SGPP2: variants seen among roughly 807,000 people sequenced by gnomAD.
SGPP2 encodes the protein sphingosine 1-phosphate phosphohydrolase 2.
Under a neutral mutation model 33.9 loss-of-function variants are expected in SGPP2, and 30 were observed. That is an observed-to-expected ratio of 0.89 (90% confidence interval 0.66 to 1.20). SGPP2 has a LOEUF of 1.20. SGPP2 is among the 50% of genes most tolerant of loss of function. The probability of loss-of-function intolerance (pLI) is 0.00; values close to 1 mark genes in which losing one functional copy is unlikely to be tolerated. For missense variants in SGPP2, 458 were observed against 532.1 expected (o/e 0.86, Z 1.37); for synonymous variants, 233 against 225.0 (o/e 1.04, Z -0.32).
At chr2:222,526,545 G>T (rs373949803) in intron 4 of SGPP2, among the ~76,000 whole-genome samples, 86 of 152,338 alleles carry the variant, frequency 5.6e-4, no homozygotes, top group African/African-American at 1.9e-3. Context: ...AATATGGAAT[G>T]AAGAACTCTT....
rs1689552403 is a variant in SGPP2 at position 222,562,049 on chromosome 2, C to A, written c.*3151C>A. Among the ~76,000 whole-genome samples, 1 of 152,126 alleles carries A rather than the reference C, an allele frequency of 6.6e-6. No individual in the cohort carries two copies. Among genetic ancestry groups the A allele is most frequent in the South Asian group, 2.1e-4 (1 of 4,820 alleles). Reference sequence around the variant, plus strand: ...TTTGGCTTCAGTCTAGGTCCACCATCCCTCTCGATCTGGCATCTTGGAGAT... The same window carrying A: ...TTTGGCTTCAGTCTAGGTCCACCATACCTCTCGATCTGGCATCTTGGAGAT... On this transcript the variant is annotated 3_prime_UTR_variant, in exon 5 of 5. Transcript: ENST00000321276.
intron 1 of SGPP2, among the ~76,000 whole-genome samples, chr2:222,447,653 A>G (rs1697417796): frequency 6.6e-6 from 1 of 152,206 alleles, no homozygotes; most frequent in African/African-American, 2.4e-5. Flanking sequence ...CCCTATGAGA[A>G]GTGAGAAGAA....
Position 222,477,371 on chromosome 2 carries a change from A to G in SGPP2, c.378+2645A>G, listed in dbSNP as rs1559155260. ...GGTGTGTATATATGTGTATGTGTGT[A>G]TATAGGTGTGTATATATGTGTATAG... On this transcript the variant is annotated intron_variant, in intron 2 of 4. Coordinates refer to ENST00000321276, the MANE Select transcript of SGPP2 (RefSeq NM_152386.4). The surrounding 1 kb of genome is among the most constrained non-coding windows in gnomAD (Gnocchi z 6.0). 2.7e-5 allele frequency among the ~76,000 whole-genome samples: 4 copies of G among 147,986 alleles called. No homozygotes were observed. Among genetic ancestry groups the G allele is most frequent in the Admixed American group, 2.0e-4 (3 of 15,058 alleles).
chr2:222,467,950 GAAAAAAAAAAAAAAAA>G lies in SGPP2; in HGVS notation c.220-6595_220-6580del, dbSNP rs61253653. Among the ~76,000 whole-genome samples, 152 of 24,866 alleles carry G rather than the reference GAAAAAAAAAAAAAAAA, an allele frequency of 6.1e-3. 1 individual carries two copies. In the Admixed American group the frequency reaches 0.073, roughly 12 times the overall value. The allele number at this position is 24,866 out of a possible 152,430, so 16.3% of individuals were successfully genotyped here. ...AAATGTATATTTAAAGCTCTAATCTGAAAAAAAAAAAAAAAAAAAAAAAAAAAAAAAAAAAAAACAG... is the reference window on the plus strand; with the variant it reads ...AAATGTATATTTAAAGCTCTAATCTGAAAAAAAAAAAAAAAAAAAAAACAG... On this transcript the variant is annotated intron_variant, in intron 1 of 4. Transcript: ENST00000321276.
chr2:222,443,335 CA>C (rs1697354029), intron 1 of SGPP2, among the ~76,000 whole-genome samples: 1 of 152,056 alleles, frequency 6.6e-6, no homozygotes. Flanking sequence ...AGGTAGTGAC[CA>C]TAGTACCTGA....
upstream of SGPP2, chr2:222,424,499 C>G: frequency 1.2e-6 from 1 of 823,854 alleles, no homozygotes; most frequent in African/African-American, 1.8e-5. Context: ...GCCCGGCCTC[C>G]GCCCGGAGTG....
chr2:222,447,084 T>A (rs1444989952), intron 1 of SGPP2, among the ~76,000 whole-genome samples: 1 of 152,246 alleles, frequency 6.6e-6, no homozygotes, highest in Non-Finnish European at 1.5e-5. Context: ...TCTTTCTTTA[T>A]GCTCCTCCAT....
intron 2 of SGPP2, among the ~76,000 whole-genome samples, chr2:222,513,206 T>A (rs889358028): frequency 1.8e-4 from 27 of 152,242 alleles, no homozygotes; most frequent in African/African-American, 6.3e-4. Context: ...TTGTTTTAAG[T>A]TGGAATTCCC....
intron 3 of SGPP2, among the ~76,000 whole-genome samples, chr2:222,522,802 A>C (rs62186149): frequency 0.34 from 51,566 of 151,944 alleles, 9,118 homozygotes; most frequent in Middle Eastern, 0.49. Context: ...TCTCATCTTC[A>C]CAAGTAGCTG....
In SGPP2 at chr2:222,558,641, C is replaced by T. The variant is rs199579221; in HGVS notation, c.943C>T (p.Pro315Ser). The T allele has an allele frequency of 8.1e-6, 13 of 1,614,194 alleles. No individual in the cohort carries two copies. The highest frequency in any genetic ancestry group is 1.1e-5 in the South Asian group (1 of 91,078). Reference sequence around the variant, plus strand: ...TCTCCCTGTTATTCAGAACATCCCACCACTCACCACCTACATGTTAGTTTT... The same window carrying T: ...TCTCCCTGTTATTCAGAACATCCCATCACTCACCACCTACATGTTAGTTTT... ...ESLPVIQNIPPLTTYMLVLGL... is the reference protein window; with the variant it reads ...ESLPVIQNIPSLTTYMLVLGL... Residue 315 changes from proline to serine, a missense_variant, in exon 5 of 5, where the codon CCA (proline) becomes TCA (serine). Pro to Ser is a moderately conservative substitution (Grantham distance 74, BLOSUM62 -1). Coordinates refer to ENST00000321276, the MANE Select transcript of SGPP2 (RefSeq NM_152386.4).
chr2:222,479,399 C>CTTTTTTTTT lies in SGPP2; in HGVS notation c.378+4686_378+4694dup, dbSNP rs568165167. 4.4e-5 allele frequency among the ~76,000 whole-genome samples: 5 copies of CTTTTTTTTT among 114,884 alleles called. 1 individual carries two copies. Among genetic ancestry groups the CTTTTTTTTT allele is most frequent in the African/African-American group, 1.4e-4 (4 of 27,878 alleles). 75.4% of individuals were successfully genotyped at this position (114,884 alleles called of 152,430 possible). A position where few individuals can be genotyped will look rare whatever the true frequency, so the allele number is the denominator to read the frequency against. ...GCTTGACTGTTTCTTATCTACCCTT[C>CTTTTTTTTT]TTTTTTTTTTTTTTTTTTTTTGAGA... On this transcript the variant is annotated intron_variant, in intron 2 of 4. Transcript: ENST00000321276.
At chr2:222,481,897 A>G (rs1698035909) in intron 2 of SGPP2, among the ~76,000 whole-genome samples, 1 of 152,190 alleles carries the variant, frequency 6.6e-6, no homozygotes, top group Non-Finnish European at 1.5e-5. Context: ...CCATTCTAAC[A>G]TAGCATGGTT....
chr2:222,523,991 A>G (rs577903594), intron 3 of SGPP2, among the ~76,000 whole-genome samples: 1 of 152,346 alleles, frequency 6.6e-6, no homozygotes, highest in African/African-American at 2.4e-5. Context: ...CATGGCCTTC[A>G]GTTCTGACTC....
intron 2 of SGPP2, among the ~76,000 whole-genome samples, chr2:222,496,682 C>T (rs373547993): frequency 4.6e-5 from 7 of 152,178 alleles, no homozygotes; most frequent in East Asian, 1.9e-4. Context: ...GAGACCCCCC[C>T]GCCATGCCCT....
chr2:222,521,833 G>T lies in SGPP2; in HGVS notation c.445G>T (p.Val149Phe), dbSNP rs778341745. 10 of 1,610,902 alleles carry T rather than the reference G, an allele frequency of 6.2e-6. No homozygotes were observed. Among genetic ancestry groups the T allele is most frequent in the Non-Finnish European group, 8.5e-6 (10 of 1,178,966 alleles). Residue 149 changes from valine to phenylalanine, a missense_variant, in exon 3 of 5, where the codon GTT (valine) becomes TTT (phenylalanine). Val to Phe is a conservative substitution (Grantham distance 50). Transcript: ENST00000321276. The part of the protein sequence containing the change: ...LKWPRPSSPP[V>F]VKLEKRLIAE... The stretch of plus-strand genomic sequence containing the variant: ...GTGGCCCCGTCCCTCCTCCCCTCCA[G>T]TTGTAAAACTGGAAAAGAGACTGAT...
At position 222,424,748 on chromosome 2, in the gene SGPP2, A is replaced by G; in HGVS notation, c.146A>G (p.Glu49Gly). ...CGCGCGGCGCGGGTCCCCGGGGTCG[A>G]GCATCTCCCCGCAGCCAACGGCAAG... is the stretch of plus-strand genomic sequence containing the variant. Reference protein sequence around the residue: ...TERAARVPGVEHLPAANGKGG... With the variant: ...TERAARVPGVGHLPAANGKGG... Residue 49 changes from glutamate to glycine, a missense_variant, in exon 1 of 5, where the codon GAG becomes GGG. Transcript: ENST00000321276. 3.5e-6 allele frequency: 5 copies of G among 1,419,996 alleles called. No homozygotes were observed. Among genetic ancestry groups the G allele is most frequent in the Non-Finnish European group, 4.6e-6 (5 of 1,088,598 alleles). 88.0% of individuals were successfully genotyped at this position (1,419,996 alleles called of 1,614,324 possible). A position where few individuals can be genotyped will look rare whatever the true frequency, so the allele number is the denominator to read the frequency against.
chr2:222,481,099 G>A (rs1475473868), intron 2 of SGPP2, among the ~76,000 whole-genome samples: 1 of 152,172 alleles, frequency 6.6e-6, no homozygotes, highest in African/African-American at 2.4e-5. Flanking sequence ...GTTGGGGGTT[G>A]GCAGGAGGGA....
chr2:222,556,462 T>G (rs1407814368), intron 4 of SGPP2, among the ~76,000 whole-genome samples: 2 of 72,542 alleles, frequency 2.8e-5, no homozygotes, highest in African/African-American at 4.8e-5. Flanking sequence ...CCACTCTCAC[T>G]CCCCCGCATC....
intron 1 of SGPP2, among the ~76,000 whole-genome samples, chr2:222,436,905 T>A (rs1455883194): frequency 6.6e-6 from 1 of 152,166 alleles, no homozygotes; most frequent in Non-Finnish European, 1.5e-5. Context: ...CACTCAGCAG[T>A]GGCCATAGGT....
Sources: allele counts gnomAD v4.1 joint callset (sites outside exome capture counted in the v4.1 genomes callset), GRCh38; gene constraint gnomAD v4.1.1; non-coding constraint Gnocchi (gnomAD v3.1); transcripts MANE v1.5; gene names NCBI Gene and HGNC (gene_info 2026-07-23, HGNC 2026-07-21).